CSMD1: variants seen among roughly 807,000 people sequenced by gnomAD.
CSMD1 encodes the protein CUB and sushi domain-containing protein 1.
Under a neutral mutation model 417.5 loss-of-function variants are expected in CSMD1, and 213 were observed. The ratio of observed to expected loss-of-function variants is 0.51; its 90% confidence interval spans 0.46 to 0.57. CSMD1 has a LOEUF of 0.57. Among genes scored for constraint, CSMD1 ranks in the 20% least tolerant of loss-of-function variants. The pLI is 0.00. For synonymous variants in CSMD1, 2,862 were observed against 1,736.8 expected (o/e 1.65, Z -16.11); for missense variants, 6,923 against 4,529.7 (o/e 1.53, Z -15.17).
At chr8:4,462,632 T>G (rs1478922020) in intron 2 of CSMD1, among the ~76,000 whole-genome samples, 1 of 152,208 alleles carries the variant, frequency 6.6e-6, no homozygotes, top group Non-Finnish European at 1.5e-5. Context: ...TATGCTTGCA[T>G]TAGACACATG....
At chr8:4,389,572 G>T (rs191244754) in intron 3 of CSMD1, among the ~76,000 whole-genome samples, 1 of 152,072 alleles carries the variant, frequency 6.6e-6, no homozygotes, top group East Asian at 1.9e-4. Flanking sequence ...AAGAACAAGA[G>T]ATGTTTAAGA....
intron 1 of CSMD1, among the ~76,000 whole-genome samples, chr8:4,720,477 G>A (rs1025576405): frequency 6.6e-6 from 1 of 152,136 alleles, no homozygotes; most frequent in Admixed American, 6.6e-5. Flanking sequence ...GAGTGCAGAG[G>A]CATGATCTCG....
chr8:3,821,032 T>A (rs1292183147), intron 5 of CSMD1, among the ~76,000 whole-genome samples: 1 of 152,092 alleles, frequency 6.6e-6, no homozygotes, highest in Non-Finnish European at 1.5e-5. Context: ...TTCTCCCGCC[T>A]CAGCCTCCCC....
At chr8:3,182,639 TAGTAG>T (rs1821427771) in intron 36 of CSMD1, among the ~76,000 whole-genome samples, 2 of 63,846 alleles carry the variant, frequency 3.1e-5, no homozygotes, top group Admixed American at 3.9e-4. Context: ...TGTGTATTGT[TAGTAG>T]AGAAGGGGGA....
At chr8:4,584,935 C>T (rs1370481401) in intron 2 of CSMD1, among the ~76,000 whole-genome samples, 1 of 152,030 alleles carries the variant, frequency 6.6e-6, no homozygotes, top group Non-Finnish European at 1.5e-5. Context: ...AGGAGATCAG[C>T]CCCAGTCTAA....
At chr8:4,446,915 C>T (rs1392915328) in intron 2 of CSMD1, among the ~76,000 whole-genome samples, 1 of 150,488 alleles carries the variant, frequency 6.6e-6, no homozygotes, top group Non-Finnish European at 1.5e-5. Flanking sequence ...GCCATTGCGC[C>T]TGGCAGAGAC....
intron 3 of CSMD1, among the ~76,000 whole-genome samples, chr8:4,411,552 T>C (rs1585034168): frequency 6.6e-6 from 1 of 152,220 alleles, no homozygotes; most frequent in African/African-American, 2.4e-5. Context: ...TATTCATTAA[T>C]TAATTTTTTC....
intron 3 of CSMD1, among the ~76,000 whole-genome samples, chr8:4,346,217 A>T (rs1024095799): frequency 6.6e-6 from 1 of 152,164 alleles, no homozygotes; most frequent in Non-Finnish European, 1.5e-5. Flanking sequence ...ATTTGCTAAG[A>T]ATGATTTTTA....
intron 8 of CSMD1, among the ~76,000 whole-genome samples, chr8:3,615,664 A>G (rs995403128): frequency 6.6e-6 from 1 of 152,194 alleles, no homozygotes; most frequent in Non-Finnish European, 1.5e-5. Context: ...CTCCAATTTA[A>G]CTAAAAAACA....
Position 3,118,534 on chromosome 8 carries a change from T to A in CSMD1, c.6295A>T (p.Ile2099Phe). The part of the protein sequence containing the change: ...DPPPFQNGYM[I>F]NSDYSVGQSV... The stretch of plus-strand genomic sequence containing the variant: ...TGCCCCACGCTGTAATCCGAGTTGA[T>A]CATGTACCCATTCTGAAATGGGGGT... The change falls in exon 42 of 70, where the codon ATC becomes TTC. Residue 2099 changes from isoleucine to phenylalanine, a missense_variant. By Grantham distance (21) the Ile-to-Phe change is conservative. Transcript: ENST00000635120. 2.5e-6 allele frequency: 4 copies of A among 1,613,884 alleles called. No homozygotes were observed. The highest frequency in any genetic ancestry group is 3.4e-6 in the Non-Finnish European group (4 of 1,179,864).
chr8:3,517,025 G>C (rs577082727), intron 10 of CSMD1, among the ~76,000 whole-genome samples: 1 of 152,170 alleles, frequency 6.6e-6, no homozygotes, highest in African/African-American at 2.4e-5. Flanking sequence ...GGTGAGCAAA[G>C]GAGCTGGTGT....
Position 3,899,431 on chromosome 8 carries a change from G to T in CSMD1, c.818+98472C>A, listed in dbSNP as rs75666191. On this transcript the variant is annotated intron_variant, in intron 5 of 69. Coordinates refer to ENST00000635120, the MANE Select transcript of CSMD1 (RefSeq NM_033225.6). ...ATTACTTCAACATGTTGGCCACAGG[G>T]ATTGTACGTGGGGAGATGGGGTGGT... 7.0e-3 allele frequency among the ~76,000 whole-genome samples: 1,063 copies of T among 152,290 alleles called. 14 individuals are homozygous for T. The highest frequency in any genetic ancestry group is 0.024 in the African/African-American group (1,015 of 41,560).
intron 5 of CSMD1, among the ~76,000 whole-genome samples, chr8:3,966,732 GAC>G (rs34929035): frequency 0.017 from 2,561 of 149,032 alleles, 66 homozygotes; most frequent in African/African-American, 0.057. Context: ...CACACACACA[GAC>G]ACACACACAC....
chr8:4,067,530 G>A (rs997389179), intron 3 of CSMD1, among the ~76,000 whole-genome samples: 1 of 151,204 alleles, frequency 6.6e-6, no homozygotes, highest in Non-Finnish European at 1.5e-5. Flanking sequence ...ACTTAATTTT[G>A]TTGTATAGCT....
At chr8:4,703,951 T>C (rs933039129) in intron 1 of CSMD1, among the ~76,000 whole-genome samples, 5 of 152,130 alleles carry the variant, frequency 3.3e-5, no homozygotes, top group African/African-American at 1.2e-4. Context: ...GCACACAACC[T>C]AGATCCCTCA....
chr8:4,231,893 T>C (rs1433661581), intron 3 of CSMD1, among the ~76,000 whole-genome samples: 1 of 151,774 alleles, frequency 6.6e-6, no homozygotes, highest in Non-Finnish European at 1.5e-5. Context: ...TACTTGTGTT[T>C]TACTAAAATT....
chr8:3,081,879 A>G (rs190993647), intron 49 of CSMD1, among the ~76,000 whole-genome samples: 19 of 152,328 alleles, frequency 1.2e-4, no homozygotes, highest in African/African-American at 4.1e-4. Flanking sequence ...ATCTTTTCTT[A>G]GCCTCAGAGT....
At chr8:4,622,227 A>C (rs751287021) in intron 2 of CSMD1, among the ~76,000 whole-genome samples, 17 of 151,942 alleles carry the variant, frequency 1.1e-4, no homozygotes, top group Non-Finnish European at 2.2e-4. Context: ...CTGGAGGCTC[A>C]GGCAGAGTAC....
Position 4,267,432 on chromosome 8 carries a change from C to A in CSMD1, c.415+152521G>T, listed in dbSNP as rs1441006166. Among the ~76,000 whole-genome samples, 5 of 147,654 alleles carry A rather than the reference C, an allele frequency of 3.4e-5. 2 individuals are homozygous for A. The highest frequency in any genetic ancestry group is 1.2e-4 in the African/African-American group (5 of 40,996). On this transcript the variant is annotated intron_variant, in intron 3 of 69. Transcript: ENST00000635120. ...TGAAGAAAATGATAAGCTTCTACAG[C>A]AGAGTAAAAATAGTTTAAATAATAT... is the stretch of plus-strand genomic sequence containing the variant.
Sources: allele counts gnomAD v4.1 joint callset (sites outside exome capture counted in the v4.1 genomes callset), GRCh38; gene constraint gnomAD v4.1.1; transcripts MANE v1.5; gene names NCBI Gene and HGNC (gene_info 2026-07-23, HGNC 2026-07-21).